The following MAGI1 variants were observed in gnomAD, a reference collection of about 807,000 sequenced individuals.
MAGI1 encodes the protein membrane associated guanylate kinase, WW and PDZ domain containing 1, also known as membrane-associated guanylate kinase, WW and PDZ domain-containing protein 1.
A neutral mutation model predicts 139.9 loss-of-function variants in MAGI1; 58 were observed. The ratio of observed to expected loss-of-function variants is 0.41; its 90% CI spans 0.34 to 0.52. The LOEUF is 0.52. MAGI1 is among the 20% of genes least tolerant of loss of function. MAGI1 has a pLI of 0.12. For synonymous variants in MAGI1, 812 were observed against 737.9 expected, an observed-to-expected ratio of 1.10 and a Z score of -1.63; for missense variants, 1,874 against 1,901.6, an observed-to-expected ratio of 0.99 and a Z score of 0.27.
chr3:66,016,715 T>C (rs1310117291), intron 1 of MAGI1, among the ~76,000 whole-genome samples: 2 of 152,072 alleles, frequency 1.3e-5, no homozygotes, highest in African/African-American at 2.4e-5. Context: ...AGTGGGAAGA[T>C]AAAAGTCAAA....
intron 2 of MAGI1, among the ~76,000 whole-genome samples, chr3:65,599,294 C>T (rs1043716012): frequency 6.6e-6 from 1 of 152,150 alleles, no homozygotes; most frequent in African/African-American, 2.4e-5. Context: ...GATAACAAGG[C>T]AGCACAGATC....
At chr3:65,882,909 TG>T (rs1165875463) in intron 1 of MAGI1, among the ~76,000 whole-genome samples, 1 of 133,420 alleles carries the variant, frequency 7.5e-6, no homozygotes, top group Non-Finnish European at 1.5e-5. Flanking sequence ...CATTTCAGCC[TG>T]GGCAACAGAG....
At chr3:65,901,922 A>T (rs2061249176) in intron 1 of MAGI1, among the ~76,000 whole-genome samples, 1 of 151,474 alleles carries the variant, frequency 6.6e-6, no homozygotes, top group African/African-American at 2.4e-5. Flanking sequence ...AAAATTCATT[A>T]TTTTTTTTAA....
chr3:66,003,687 T>C (rs2066871913), intron 1 of MAGI1, among the ~76,000 whole-genome samples: 1 of 152,126 alleles, frequency 6.6e-6, no homozygotes, highest in Non-Finnish European at 1.5e-5. Context: ...CAGGCTGCTC[T>C]TGACCTCCTG....
chr3:65,668,354 G>T (rs533222850), intron 1 of MAGI1, among the ~76,000 whole-genome samples: 1 of 151,956 alleles, frequency 6.6e-6, no homozygotes, highest in Non-Finnish European at 1.5e-5. Context: ...TCCTACCTTC[G>T]TACTCAGAGA....
intron 1 of MAGI1, among the ~76,000 whole-genome samples, chr3:65,848,499 A>C (rs1163724091): frequency 1.3e-5 from 2 of 152,174 alleles, no homozygotes; most frequent in Non-Finnish European, 2.9e-5. Flanking sequence ...CTTTAATTAA[A>C]ATACACTGAA....
At chr3:65,461,090 T>C (rs1559574418) in intron 5 of MAGI1, among the ~76,000 whole-genome samples, 2 of 152,160 alleles carry the variant, frequency 1.3e-5, no homozygotes, top group African/African-American at 4.8e-5. Flanking sequence ...GGTCAAATGG[T>C]ATTTCTAGTT....
intron 6 of MAGI1, among the ~76,000 whole-genome samples, chr3:65,450,269 CA>C (rs1218891993): frequency 6.6e-6 from 1 of 152,132 alleles, no homozygotes; most frequent in Non-Finnish European, 1.5e-5. Context: ...AACATCATCA[CA>C]TTTACATTTT....
intron 2 of MAGI1, among the ~76,000 whole-genome samples, chr3:65,527,554 T>A (rs886322432): frequency 3.0e-4 from 46 of 152,116 alleles, no homozygotes; most frequent in African/African-American, 1.0e-3. Context: ...TGAAACCCCG[T>A]CTCTACTAAA....
chr3:65,454,777 C>T (rs887542363), intron 5 of MAGI1, among the ~76,000 whole-genome samples: 4 of 150,076 alleles, frequency 2.7e-5, no homozygotes, highest in Admixed American at 6.6e-5. Flanking sequence ...AATGTATACA[C>T]GTCATATCAA....
At chr3:65,492,981 C>T (rs145782256) in intron 3 of MAGI1, among the ~76,000 whole-genome samples, 9 of 150,484 alleles carry the variant, frequency 6.0e-5, no homozygotes, top group South Asian at 2.1e-4. Context: ...GGGAGGCTGA[C>T]GCAGGAGAAT....
intron 1 of MAGI1, among the ~76,000 whole-genome samples, chr3:65,950,067 C>CAAA (rs61696952): frequency 2.1e-4 from 16 of 76,722 alleles, no homozygotes; most frequent in East Asian, 1.3e-3. Context: ...AACAAAAAAA[C>CAAA]AAAAAAAAAA....
intron 2 of MAGI1, among the ~76,000 whole-genome samples, chr3:65,531,824 A>G (rs1420469722): frequency 3.3e-5 from 5 of 152,376 alleles, no homozygotes; most frequent in African/African-American, 1.2e-4. Flanking sequence ...TAGAACCTAT[A>G]GCACACAGTT....
intron 1 of MAGI1, among the ~76,000 whole-genome samples, chr3:66,012,331 CTATACTT>C (rs1309858348): frequency 1.3e-5 from 2 of 152,034 alleles, no homozygotes; most frequent in Admixed American, 1.3e-4. Context: ...ATAATACAAA[CTATACTT>C]TATGCAGTAA....
At chr3:65,557,999 G>A (rs900240561) in intron 2 of MAGI1, among the ~76,000 whole-genome samples, 8 of 152,042 alleles carry the variant, frequency 5.3e-5, no homozygotes, top group East Asian at 1.9e-4. Context: ...TTCTACCCAC[G>A]AGTCAATTAA....
intron 1 of MAGI1, among the ~76,000 whole-genome samples, chr3:65,686,173 T>A (rs1157721404): frequency 1.3e-5 from 2 of 152,182 alleles, no homozygotes; most frequent in Non-Finnish European, 2.9e-5. Context: ...CTAGAAGCAG[T>A]CATATCACAC....
At chr3:65,557,614 T>C (rs1248613518) in intron 2 of MAGI1, among the ~76,000 whole-genome samples, 1 of 152,230 alleles carries the variant, frequency 6.6e-6, no homozygotes, top group Admixed American at 6.5e-5. Context: ...CTCTGTCATA[T>C]CCTCTTGTGG....
chr3:65,741,382 G>A (rs1463054094), intron 1 of MAGI1, among the ~76,000 whole-genome samples: 1 of 152,102 alleles, frequency 6.6e-6, no homozygotes, highest in Non-Finnish European at 1.5e-5. Context: ...CACCGTGTTA[G>A]CCAGGATGGA....
chr3:65,688,510 G>C (rs1189738613), intron 1 of MAGI1: 1 of 436,782 alleles, frequency 2.3e-6, no homozygotes, highest in Non-Finnish European at 4.5e-6. Context: ...GGAAGACTGA[G>C]GCTTAAGGTA....
Sources: gnomAD v4.1 joint callset for allele counts (sites outside exome capture counted in the v4.1 genomes callset) on GRCh38, gnomAD v4.1.1 for gene constraint, MANE v1.5 for transcripts, NCBI Gene and HGNC (gene_info 2026-07-23, HGNC 2026-07-21) for gene names.